TJP3: variants seen among roughly 807,000 people sequenced by gnomAD.
The protein encoded by TJP3 is tight junction protein ZO-3.
In TJP3, 85 loss-of-function variants were observed where a neutral mutation model predicts 104.2. That is an observed-to-expected ratio of 0.82 (90% CI 0.68 to 0.98). The LOEUF (loss-of-function observed/expected upper bound fraction) is 0.98. Ranked by LOEUF, TJP3 falls within the 50% of genes least tolerant of loss-of-function variation. The probability of loss-of-function intolerance (pLI) is 0.00; values close to 1 mark genes in which losing one functional copy is unlikely to be tolerated. For missense variants in TJP3, 1,367 were observed against 1,322.8 expected (o/e 1.03, Z -0.52); for synonymous variants, 550 against 550.6 (o/e 1.00, Z 0.02).
At chr19:3,747,004 A>T (rs2036905521) in intron 18 of TJP3, 128 bp downstream of exon 18, 2 of 844,332 alleles carry the variant, frequency 2.4e-6, no homozygotes, top group Non-Finnish European at 3.8e-6. Flanking sequence ...CAGAGTCAAG[A>T]TGGGACCTGA....
At chr19:3,749,110 G>A (rs1197257388) in intron 19 of TJP3, among the ~76,000 whole-genome samples, 1 of 151,296 alleles carries the variant, frequency 6.6e-6, no homozygotes. Context: ...GACCTCAGGT[G>A]ATCCACGTCG....
intron 5 of TJP3, among the ~76,000 whole-genome samples, chr19:3,731,395 G>A (rs543761924): frequency 6.6e-5 from 10 of 152,264 alleles, no homozygotes; most frequent in East Asian, 5.8e-4. Flanking sequence ...CACTTTGGGA[G>A]GCCAAGGCAG....
chr19:3,730,356 C>T lies in TJP3; in HGVS notation c.263C>T (p.Thr88Ile). The T allele has an allele frequency of 4.6e-6, 7 of 1,522,044 alleles. No homozygotes were observed. Among genetic ancestry groups the T allele is most frequent in the Non-Finnish European group, 6.2e-6 (7 of 1,134,638 alleles). The allele number at this position is 1,522,044 out of a possible 1,614,324, so 94.3% of individuals were successfully genotyped here. ...LKTCTKMANI[T>I]VKRPRRIHLP... ...CCTTCCTGTCCCCTCCTCTAACAGA[C>T]AGTGAAACGTCCCCGGAGGATCCAC... is the stretch of plus-strand genomic sequence containing the variant. The change falls in exon 5 of 21, where the codon ACA (threonine) becomes ATA (isoleucine). Residue 88 changes from threonine to isoleucine, a missense_variant and splice_region_variant. Thr to Ile is a moderately conservative substitution (Grantham distance 89). Coordinates refer to ENST00000541714, the MANE Select transcript of TJP3 (RefSeq NM_001267560.2). This position sits in a 1 kb window ranked among gnomAD's most constrained non-coding sequence, Gnocchi z 7.3.
At chr19:3,736,399 C>A in intron 11 of TJP3, 78 bp downstream of exon 11, 1 of 1,377,526 alleles carries the variant, frequency 7.3e-7, no homozygotes, top group Non-Finnish European at 9.4e-7. Flanking sequence ...CTGTTCCAGT[C>A]CTCCCCTTGG....
At chr19:3,709,055 C>T (rs898188990) in intron 1 of TJP3, among the ~76,000 whole-genome samples, 1 of 152,170 alleles carries the variant, frequency 6.6e-6, no homozygotes, top group African/African-American at 2.4e-5. Flanking sequence ...AACCCCTCAC[C>T]CTGTTCTCAC....
At chr19:3,714,772 C>G (rs74712448) in intron 1 of TJP3, among the ~76,000 whole-genome samples, 2,718 of 152,024 alleles carry the variant, frequency 0.018, 93 homozygotes, top group African/African-American at 0.062. Flanking sequence ...CCTCAGTTTT[C>G]CCACAAGCAC....
intron 1 of TJP3, among the ~76,000 whole-genome samples, chr19:3,724,434 G>A (rs879329170): frequency 5.3e-5 from 8 of 152,140 alleles, no homozygotes; most frequent in Non-Finnish European, 8.8e-5. Flanking sequence ...TGACCTTGTG[G>A]TCTGCCTGCC....
chr19:3,742,201 A>C (rs915139016), intron 14 of TJP3, among the ~76,000 whole-genome samples: 1 of 152,002 alleles, frequency 6.6e-6, no homozygotes, highest in Non-Finnish European at 1.5e-5. Context: ...TGGGAGGCCA[A>C]GATGGGTGGG....
chr19:3,730,476 G>A lies in TJP3; in HGVS notation c.383G>A (p.Arg128Gln), dbSNP rs199868236. Residue 128 changes from arginine to glutamine, a missense_variant, in exon 5 of 21, where the codon CGG becomes CAG. Physicochemically the swap from Arg to Gln is conservative, Grantham distance 43. Coordinates refer to ENST00000541714, the MANE Select transcript of TJP3 (RefSeq NM_001267560.2). This position sits in a 1 kb window ranked among gnomAD's most constrained non-coding sequence, Gnocchi z 7.3. ...CGGGTGGAGGAGGTGGACCAGGGCCGGGGCTATGACGGCGACTCATCCAGT... is the reference window on the plus strand; with the variant it reads ...CGGGTGGAGGAGGTGGACCAGGGCCAGGGCTATGACGGCGACTCATCCAGT... ...PQRVEEVDQG[R>Q]GYDGDSSSGS... The A allele has an allele frequency of 3.3e-5, 53 of 1,584,556 alleles. No individual in the cohort carries two copies. In the East Asian group the frequency reaches 5.3e-4, roughly 16 times the overall value.
intron 1 of TJP3, among the ~76,000 whole-genome samples, chr19:3,723,505 A>G (rs551047585): frequency 6.6e-6 from 1 of 152,176 alleles, no homozygotes; most frequent in East Asian, 1.9e-4. Context: ...AAAAATAATA[A>G]AACAGGCTGG....
intron 15 of TJP3, among the ~76,000 whole-genome samples, chr19:3,744,670 A>C (rs2036862838): frequency 6.6e-6 from 1 of 150,766 alleles, no homozygotes; most frequent in Non-Finnish European, 1.5e-5. Flanking sequence ...CAAAAAAAAA[A>C]AAAACAAAAA....
chr19:3,736,054 GT>G, intron 10 of TJP3, 110 bp from the exon 11 acceptor site: 1 of 1,554,514 alleles, frequency 6.4e-7, no homozygotes, highest in Non-Finnish European at 8.8e-7. Context: ...TTAAGTGGGG[GT>G]TTTGGGGAAA....
rs1423634392 is a variant in TJP3, at chr19:3,744,047, A to G, written c.1939+13A>G. The G allele has an allele frequency of 2.5e-6, 4 of 1,612,276 alleles. No individual in the cohort carries two copies. The highest frequency in any genetic ancestry group is 3.4e-6 in the Non-Finnish European group (4 of 1,178,506). ...TTTGAAATCGCAGGTGAGAAGCCAG[A>G]TCCTCTGGAAACCTCGTTGGTGAAA... On this transcript the variant is annotated intron_variant, in intron 15 of 20. Coordinates refer to ENST00000541714, the MANE Select transcript of TJP3 (RefSeq NM_001267560.2).
At position 3,747,916 on chromosome 19, in the gene TJP3, G is replaced by A. The variant is rs375043100; in HGVS notation, c.2445G>A (p.Ala815=). Residue 815 remains alanine (A), a synonymous_variant, in exon 19 of 21, where the codon GCG becomes GCA. Coordinates refer to ENST00000541714, the MANE Select transcript of TJP3 (RefSeq NM_001267560.2). ...SDYETDGEGG[A]YTDGEGYTDG... is the part of the protein sequence containing the mutation. Reference sequence around the variant, plus strand: ...ACGAGACGGACGGCGAGGGCGGCGCGTACACGGATGGCGAGGGCTACACAG... The same window carrying A: ...ACGAGACGGACGGCGAGGGCGGCGCATACACGGATGGCGAGGGCTACACAG... 1.5e-5 allele frequency: 24 copies of A among 1,613,078 alleles called. No homozygotes were observed. Among genetic ancestry groups the A allele is most frequent in the African/African-American group, 9.3e-5 (7 of 74,888 alleles).
chr19:3,743,654 C>T (rs2036850027), intron 14 of TJP3: 3 of 330,048 alleles, frequency 9.1e-6, no homozygotes, highest in Admixed American at 4.6e-5. Flanking sequence ...GACCCTACAG[C>T]CAGGAAGAAA....
At chr19:3,731,140 G>A (rs554044634) in intron 5 of TJP3, among the ~76,000 whole-genome samples, 117 of 152,256 alleles carry the variant, frequency 7.7e-4, no homozygotes, top group African/African-American at 2.7e-3. Context: ...TTCTGGGCTA[G>A]GTTGAGCCAT....
chr19:3,727,053 C>T (rs1337276959), intron 1 of TJP3, among the ~76,000 whole-genome samples: 2 of 151,752 alleles, frequency 1.3e-5, no homozygotes, highest in Non-Finnish European at 1.5e-5. Flanking sequence ...CACCACTGCA[C>T]TCCAGCCTGA....
intron 14 of TJP3, among the ~76,000 whole-genome samples, chr19:3,742,742 G>T (rs1455288671): frequency 2.1e-5 from 1 of 46,722 alleles, no homozygotes; most frequent in African/African-American, 8.4e-5. Context: ...GAGGTGGGTG[G>T]ATCACCTGAG....
chr19:3,749,076 T>G (rs188820999), intron 19 of TJP3, among the ~76,000 whole-genome samples: 176 of 149,980 alleles, frequency 1.2e-3, no homozygotes, highest in African/African-American at 3.9e-3. Flanking sequence ...TTCACCACGC[T>G]GGCCAGGCTG....
Sources: gnomAD v4.1 joint callset for allele counts (sites outside exome capture counted in the v4.1 genomes callset) on GRCh38, gnomAD v4.1.1 for gene constraint, Gnocchi (gnomAD v3.1) non-coding constraint, MANE v1.5 for transcripts, NCBI Gene and HGNC (gene_info 2026-07-23, HGNC 2026-07-21) for gene names.